ANKRD26: variants seen among roughly 807,000 people sequenced by gnomAD.
ANKRD26 encodes ankyrin repeat domain-containing protein 26.
In ANKRD26, 141 loss-of-function variants were observed where a neutral mutation model predicts 208.7. The observed-to-expected ratio is 0.68, with a 90% confidence interval of 0.59 to 0.78. ANKRD26 has a LOEUF of 0.78. Among genes scored for constraint, ANKRD26 ranks in the 30% least tolerant of loss-of-function variants. The probability of loss-of-function intolerance (pLI) is 0.00; values close to 1 mark genes in which losing one functional copy is unlikely to be tolerated. For missense variants in ANKRD26, 1,889 were observed against 1,938.7 expected, an observed-to-expected ratio of 0.97 and a Z score of 0.48; for synonymous variants, 636 against 660.4, an observed-to-expected ratio of 0.96 and a Z score of 0.57.
chr10:26,997,219 A>G (rs1357699174), intron 4 of ANKRD26, among the ~76,000 whole-genome samples: 1 of 152,200 alleles, frequency 6.6e-6, no homozygotes, highest in Admixed American at 6.5e-5. Context: ...ACTGTAAGGT[A>G]TAGGTTTTGA....
At position 27,037,268 on chromosome 10, in the gene ANKRD26, C is replaced by A. The variant is rs775532766; in HGVS notation, c.2615G>T (p.Arg872Ile). Residue 872 changes from arginine (R) to isoleucine (I), a missense_variant, in exon 23 of 34, where the codon AGA (arginine) becomes ATA (isoleucine). Arg to Ile is a moderately conservative substitution (Grantham distance 97). Around this residue, in one of 3 missense-constraint regions of ANKRD26, gnomAD observed 1,272 missense variants for 1,273.8 expected, o/e 1.00. Coordinates refer to ENST00000376087, the MANE Select transcript of ANKRD26 (RefSeq NM_014915.3). ...GGTCAGAATTCCATCTTGTAACATT[C>A]TGGCATTCTGTTCTCGAGAAAGTTG... ...QRQLSREQNA[R>I]MLQDGILTNH... 1.9e-6 allele frequency: 3 copies of A among 1,613,880 alleles called. No individual in the cohort carries two copies. In the South Asian group the frequency reaches 3.3e-5, roughly 18 times the overall value.
At chr10:27,069,340 CCTAGGTGTTATTTA>C (rs758637362) in intron 9 of ANKRD26, among the ~76,000 whole-genome samples, 2 of 152,030 alleles carry the variant, frequency 1.3e-5, no homozygotes, top group South Asian at 2.1e-4. Flanking sequence ...AGTGCTACTT[CCTAGGTGTTATTTA>C]CTAGGATGGG....
At chr10:26,957,719 C>T in the ANKRD26 span, among the ~76,000 whole-genome samples, 11 of 152,090 alleles carry the variant, frequency 7.2e-5, no homozygotes, top group Non-Finnish European at 1.3e-4. Context: ...GGCTGGTTTG[C>T]TCAGGAACAA....
At chr10:26,997,133 A>C (rs1268029358) in intron 4 of ANKRD26, among the ~76,000 whole-genome samples, 1 of 152,174 alleles carries the variant, frequency 6.6e-6, no homozygotes, top group Non-Finnish European at 1.5e-5. Flanking sequence ...ATCTCAGGGC[A>C]TATTAGGAAC....
intron 5 of ANKRD26, among the ~76,000 whole-genome samples, chr10:26,977,295 C>T (rs1755406): frequency 0.99 from 150,680 of 152,304 alleles, 74,541 homozygotes; most frequent in East Asian, 1. Flanking sequence ...GGTGAATGTA[C>T]ATCTTTATCT....
intron 3 of ANKRD26, among the ~76,000 whole-genome samples, chr10:26,986,513 T>A (rs373421621): frequency 0.02 from 3,040 of 151,834 alleles, 63 homozygotes; most frequent in East Asian, 0.15. Context: ...TGGGAGAAAA[T>A]TTTTGCAATC....
chr10:27,029,021 T>C, intron 26 of ANKRD26, 76 bp from the exon 27 acceptor site: 1 of 1,211,754 alleles, frequency 8.3e-7, no homozygotes, highest in Admixed American at 2.2e-5. Context: ...AGCAAACACC[T>C]GAAGGCATAA....
downstream of ANKRD26, among the ~76,000 whole-genome samples, chr10:26,971,508 C>T (rs934546980): frequency 7.2e-5 from 11 of 151,736 alleles, no homozygotes; most frequent in African/African-American, 1.4e-4. Context: ...AACCCCATCT[C>T]GACTAAAAAT....
chr10:27,061,071 G>T, intron 13 of ANKRD26, 73 bp downstream of exon 13: 1 of 1,118,714 alleles, frequency 8.9e-7, no homozygotes, highest in Non-Finnish European at 1.4e-6. Context: ...CAGAGAAAGT[G>T]TTCTGAATTG....
chr10:27,078,825 G>A (rs912229511), intron 7 of ANKRD26, among the ~76,000 whole-genome samples: 2 of 148,176 alleles, frequency 1.3e-5, no homozygotes, highest in Non-Finnish European at 3.0e-5. Context: ...TAATTTTCCT[G>A]TCACTATGTA....
At chr10:27,004,034 C>T (rs1247036162), downstream of ANKRD26, 2 of 152,036 alleles carry the variant, frequency 1.3e-5, no homozygotes, top group Non-Finnish European at 2.9e-5. Context: ...GACCATTATA[C>T]TACAGTTATG....
intron 12 of ANKRD26, among the ~76,000 whole-genome samples, chr10:27,063,463 G>A (rs950217912): frequency 2.0e-5 from 3 of 151,978 alleles, no homozygotes; most frequent in Admixed American, 1.3e-4. Flanking sequence ...TGGAATTACA[G>A]GTGCGTGCCA....
chr10:27,047,085 G>A (rs1052352922), intron 17 of ANKRD26, among the ~76,000 whole-genome samples: 11 of 152,170 alleles, frequency 7.2e-5, no homozygotes, highest in African/African-American at 2.7e-4. Context: ...ATGGTCTTTA[G>A]ACATGGAAGT....
chr10:26,964,685 G>A, the ANKRD26 span, among the ~76,000 whole-genome samples: 1 of 152,210 alleles, frequency 6.6e-6, no homozygotes, highest in African/African-American at 2.4e-5. Flanking sequence ...GTTGTATAGT[G>A]TAGAGATACA....
At chr10:27,078,474 G>C (rs919335649) in intron 7 of ANKRD26, among the ~76,000 whole-genome samples, 1 of 152,112 alleles carries the variant, frequency 6.6e-6, no homozygotes, top group African/African-American at 2.4e-5. Context: ...GACCATTCGA[G>C]TGTGAGCTTA....
chr10:27,074,799 A>G (rs2055636729), intron 9 of ANKRD26, among the ~76,000 whole-genome samples: 1 of 151,956 alleles, frequency 6.6e-6, no homozygotes, highest in South Asian at 2.1e-4. Flanking sequence ...TAAAAAGAAT[A>G]AAATAAAATA....
chr10:27,061,397 T>C (rs2055050791), intron 12 of ANKRD26, among the ~76,000 whole-genome samples, 155 bp from the exon 13 acceptor site: 1 of 152,184 alleles, frequency 6.6e-6, no homozygotes, highest in Admixed American at 6.5e-5. Context: ...ATAACAATTT[T>C]AGTATTCAAG....
At chr10:27,009,898 T>C (rs1041923292) in intron 32 of ANKRD26, among the ~76,000 whole-genome samples, 4 of 152,174 alleles carry the variant, frequency 2.6e-5, no homozygotes, top group Non-Finnish European at 1.5e-5. Flanking sequence ...TTTTAAAATA[T>C]AAGAATAGGA....
At chr10:26,949,571 T>C in the ANKRD26 span, among the ~76,000 whole-genome samples, 1 of 152,226 alleles carries the variant, frequency 6.6e-6, no homozygotes, top group East Asian at 1.9e-4. Flanking sequence ...AGTGGCGAGA[T>C]TTCGGCTTAA....
Sources: allele counts gnomAD v4.1 joint callset (sites outside exome capture counted in the v4.1 genomes callset), GRCh38; gene constraint gnomAD v4.1.1; regional missense constraint gnomAD v4.1.1; transcripts MANE v1.5; gene names NCBI Gene and HGNC (gene_info 2026-07-23, HGNC 2026-07-21).